The following PRKG1 variants were observed in gnomAD, a reference collection of about 807,000 sequenced individuals.
The protein encoded by PRKG1 is protein kinase cGMP-dependent 1.
A neutral mutation model predicts 88.1 loss-of-function variants in PRKG1; 35 were observed. The ratio of observed to expected loss-of-function variants is 0.40; its 90% CI spans 0.30 to 0.53. The LOEUF is 0.53. Among genes scored for constraint, PRKG1 ranks in the 20% least tolerant of loss-of-function variants. The pLI is 0.59. For synonymous variants in PRKG1, 303 were observed against 292.5 expected, an observed-to-expected ratio of 1.04 and a Z score of -0.37; for missense variants, 540 against 839.8, an observed-to-expected ratio of 0.64 and a Z score of 4.41.
chr10:51,646,636 TAAA>T (rs1317531760), intron 3 of PRKG1, among the ~76,000 whole-genome samples: 1 of 152,132 alleles, frequency 6.6e-6, no homozygotes, highest in Non-Finnish European at 1.5e-5. Flanking sequence ...GCAAATCTCT[TAAA>T]GAAGGAAAGG....
chr10:52,027,166 C>T (rs1015036920), intron 5 of PRKG1, among the ~76,000 whole-genome samples: 29 of 152,282 alleles, frequency 1.9e-4, no homozygotes, highest in African/African-American at 5.8e-4. Flanking sequence ...TTGGCTGGCT[C>T]TGTGCCTCTA....
At chr10:52,076,472 G>T (rs4935309) in intron 7 of PRKG1, among the ~76,000 whole-genome samples, 1 of 152,112 alleles carries the variant, frequency 6.6e-6, no homozygotes, top group Non-Finnish European at 1.5e-5. Flanking sequence ...CAGGAGAATC[G>T]CTTGAACCCA....
At chr10:52,116,905 T>G (rs1337723078) in intron 7 of PRKG1, among the ~76,000 whole-genome samples, 1 of 152,050 alleles carries the variant, frequency 6.6e-6, no homozygotes, top group Non-Finnish European at 1.5e-5. Flanking sequence ...CACAGCTGAT[T>G]AGTGGCACAT....
intron 1 of PRKG1, among the ~76,000 whole-genome samples, chr10:51,020,182 G>A (rs1843117483): frequency 6.6e-6 from 1 of 151,908 alleles, no homozygotes; most frequent in Non-Finnish European, 1.5e-5. Context: ...TTTATTTTTT[G>A]ATGGAGACAG....
chr10:52,001,936 C>T (rs552311372), intron 5 of PRKG1, among the ~76,000 whole-genome samples: 40 of 152,044 alleles, frequency 2.6e-4, no homozygotes, highest in African/African-American at 9.6e-4. Flanking sequence ...GAAGTTGGGG[C>T]TGATTCTCTT....
chr10:51,208,644 A>G (rs573115248), intron 2 of PRKG1, among the ~76,000 whole-genome samples: 10 of 152,322 alleles, frequency 6.6e-5, no homozygotes, highest in Middle Eastern at 6.8e-3. Flanking sequence ...TTGAGAAGGT[A>G]CCAAAAAGAA....
chr10:52,263,608 G>T (rs536673987), intron 10 of PRKG1, among the ~76,000 whole-genome samples: 6 of 144,474 alleles, frequency 4.2e-5, no homozygotes, highest in African/African-American at 1.0e-4. Flanking sequence ...ACAGGGTCTT[G>T]CTCTGTCACC....
At chr10:51,623,222 A>G (rs1839252823) in intron 3 of PRKG1, among the ~76,000 whole-genome samples, 1 of 152,160 alleles carries the variant, frequency 6.6e-6, no homozygotes, top group Non-Finnish European at 1.5e-5. Flanking sequence ...ATTTTTTGAG[A>G]CAGGGTTTTG....
chr10:52,192,552 G>A (rs918358050), intron 9 of PRKG1, among the ~76,000 whole-genome samples: 1 of 151,976 alleles, frequency 6.6e-6, no homozygotes, highest in East Asian at 1.9e-4. Flanking sequence ...TTCATCAAGC[G>A]TTTTAGATTG....
At chr10:52,269,750 T>A (rs1841668374) in intron 10 of PRKG1, among the ~76,000 whole-genome samples, 1 of 152,136 alleles carries the variant, frequency 6.6e-6, no homozygotes, top group African/African-American at 2.4e-5. Context: ...GAGCACTAGA[T>A]GATAATGTCC....
intron 1 of PRKG1, among the ~76,000 whole-genome samples, chr10:51,028,291 A>T (rs1291338232): frequency 1.3e-5 from 2 of 152,210 alleles, no homozygotes; most frequent in African/African-American, 4.8e-5. Flanking sequence ...GAATGAAATT[A>T]AACAATTAAA....
Position 51,282,086 on chromosome 10 carries a change from G to A in PRKG1, c.478+128756G>A, listed in dbSNP as rs142971998. On this transcript the variant is annotated intron_variant, in intron 2 of 17. Transcript: ENST00000373980. ...TGCAATGCCAACACTTTGAACTGGA[G>A]GCTCATAAAAACTGAGGCAATGTGA... Among the ~76,000 whole-genome samples, 8 of 152,298 alleles carry A rather than the reference G, an allele frequency of 5.3e-5. No individual in the cohort carries two copies. The East Asian group carries it at 1.4e-3, about 26-fold the overall frequency.
intron 7 of PRKG1, among the ~76,000 whole-genome samples, chr10:52,063,563 C>T (rs543455142): frequency 6.6e-6 from 1 of 152,332 alleles, no homozygotes; most frequent in African/African-American, 2.4e-5. Context: ...CCTCACCATT[C>T]AGTGGTTCCC....
intron 1 of PRKG1, among the ~76,000 whole-genome samples, chr10:51,124,648 T>G (rs1251825167): frequency 6.6e-6 from 1 of 152,238 alleles, no homozygotes; most frequent in Non-Finnish European, 1.5e-5. Flanking sequence ...AAAGATCTTA[T>G]GTATGAAATT....
At chr10:51,786,477 C>T (rs1415348865) in intron 3 of PRKG1, among the ~76,000 whole-genome samples, 6 of 152,082 alleles carry the variant, frequency 3.9e-5, no homozygotes, top group African/African-American at 1.4e-4. Context: ...GTAGCTCCTC[C>T]TCTTCCAGGC....
chr10:52,282,480 A>G (rs943340588), intron 14 of PRKG1, among the ~76,000 whole-genome samples, 164 bp downstream of exon 14: 1 of 152,116 alleles, frequency 6.6e-6, no homozygotes, highest in African/African-American at 2.4e-5. Flanking sequence ...AATGTAAGGT[A>G]TAAAATAGTC....
intron 3 of PRKG1, among the ~76,000 whole-genome samples, chr10:51,515,394 G>C (rs1841548289): frequency 6.6e-6 from 1 of 152,180 alleles, no homozygotes; most frequent in South Asian, 2.1e-4. Context: ...CTGATGACAA[G>C]TTGCAGCATG....
intron 3 of PRKG1, among the ~76,000 whole-genome samples, chr10:51,728,463 T>TG (rs1842193001): frequency 6.8e-6 from 1 of 146,076 alleles, no homozygotes; most frequent in African/African-American, 2.6e-5. Flanking sequence ...GTTTTTTTTT[T>TG]TTTTTTTTTT....
At chr10:52,206,870 CAG>C (rs1839833969) in intron 9 of PRKG1, among the ~76,000 whole-genome samples, 1 of 152,180 alleles carries the variant, frequency 6.6e-6, no homozygotes, top group Non-Finnish European at 1.5e-5. Context: ...AGAACAGTGG[CAG>C]AGTTACATGT....
Sources: allele counts gnomAD v4.1 joint callset (sites outside exome capture counted in the v4.1 genomes callset), GRCh38; gene constraint gnomAD v4.1.1; transcripts MANE v1.5; gene names NCBI Gene and HGNC (gene_info 2026-07-23, HGNC 2026-07-21).